Variants in JAZF1 observed in about 807,000 individuals in gnomAD.
JAZF1 encodes JAZF zinc finger 1, also known as juxtaposed with another zinc finger protein 1.
Under a neutral mutation model 26.4 loss-of-function variants are expected in JAZF1, and 8 were observed. That is an observed-to-expected ratio of 0.30 (90% CI 0.18 to 0.55). The LOEUF is 0.55. Ranked by LOEUF, JAZF1 falls within the 20% of genes least tolerant of loss-of-function variation. The probability of loss-of-function intolerance (pLI) is 0.94; values close to 1 mark genes in which losing one functional copy is unlikely to be tolerated. For synonymous variants in JAZF1, 126 were observed against 122.3 expected (o/e 1.03, Z -0.20); for missense variants, 199 against 322.0 (o/e 0.62, Z 2.92).
chr7:28,094,917 A>G (rs1784359572), intron 1 of JAZF1, among the ~76,000 whole-genome samples: 1 of 152,104 alleles, frequency 6.6e-6, no homozygotes. Flanking sequence ...GACAAGGAGG[A>G]AACACACAGA....
At chr7:27,930,581 C>T (rs1784673981) in intron 2 of JAZF1, among the ~76,000 whole-genome samples, 1 of 152,110 alleles carries the variant, frequency 6.6e-6, no homozygotes, top group African/African-American at 2.4e-5. Context: ...CAAGTATGTT[C>T]ACTTTTTGAT....
At chr7:27,889,356 C>A (rs982301348) in intron 3 of JAZF1, among the ~76,000 whole-genome samples, 1 of 152,148 alleles carries the variant, frequency 6.6e-6, no homozygotes, top group Admixed American at 6.5e-5. Context: ...ATAACCAAGA[C>A]AACCTGCTCT....
At chr7:27,918,891 A>C (rs1784484562) in intron 2 of JAZF1, among the ~76,000 whole-genome samples, 1 of 152,220 alleles carries the variant, frequency 6.6e-6, no homozygotes, top group South Asian at 2.1e-4. Context: ...TTGCTGCTTA[A>C]ATATGGGAAA....
At chr7:28,135,993 A>T (rs1782879242) in intron 1 of JAZF1, among the ~76,000 whole-genome samples, 1 of 152,210 alleles carries the variant, frequency 6.6e-6, no homozygotes, top group South Asian at 2.1e-4. Flanking sequence ...TGCCAACTGT[A>T]CAAATACCTT....
intron 3 of JAZF1, among the ~76,000 whole-genome samples, chr7:27,849,756 C>CAGACACACACACACAGACACAG (rs200915594): frequency 1.7e-3 from 255 of 147,534 alleles, no homozygotes; most frequent in African/African-American, 6.2e-3. Flanking sequence ...CACACAGACA[C>CAGACACACACACACAGACACAG]ACACACACAC....
At chr7:28,138,245 A>T (rs1344589290) in intron 1 of JAZF1, among the ~76,000 whole-genome samples, 1 of 152,254 alleles carries the variant, frequency 6.6e-6, no homozygotes, top group African/African-American at 2.4e-5. Flanking sequence ...TCACAGTGGA[A>T]GCAGGAGCCA....
chr7:27,897,861 A>G (rs751707252), intron 2 of JAZF1, among the ~76,000 whole-genome samples: 2 of 152,086 alleles, frequency 1.3e-5, no homozygotes, highest in Non-Finnish European at 2.9e-5. Flanking sequence ...CTCTGAACAG[A>G]CCCAGTGCCC....
chr7:28,041,066 G>A (rs887255598), intron 1 of JAZF1, among the ~76,000 whole-genome samples: 3 of 152,042 alleles, frequency 2.0e-5, no homozygotes, highest in Non-Finnish European at 2.9e-5. Flanking sequence ...CATATAAATG[G>A]GTGCCCTAGA....
intron 1 of JAZF1, among the ~76,000 whole-genome samples, chr7:28,076,423 A>AAG (rs1313968042): frequency 6.6e-6 from 1 of 152,208 alleles, no homozygotes; most frequent in East Asian, 1.9e-4. Flanking sequence ...GGTAAGGCCA[A>AAG]AGGTTCAATG....
At chr7:28,044,280 C>T (rs1316724570) in intron 1 of JAZF1, among the ~76,000 whole-genome samples, 1 of 152,160 alleles carries the variant, frequency 6.6e-6, no homozygotes, top group Non-Finnish European at 1.5e-5. Flanking sequence ...TTCCTCTCTT[C>T]CTCATTCCTT....
Position 27,831,696 on chromosome 7 carries a change from AC to A in JAZF1, c.*1103del. On this transcript the variant is annotated 3_prime_UTR_variant, in exon 5 of 5. Coordinates refer to ENST00000283928, the MANE Select transcript of JAZF1 (RefSeq NM_175061.4). Reference sequence around the variant, plus strand: ...CTCTCTACAATGTGATGAGAAAAGTACCTTTTAAAAAAAGTAAAAAATGAGC... The same window carrying A: ...CTCTCTACAATGTGATGAGAAAAGTACTTTTAAAAAAAGTAAAAAATGAGC... The A allele has an allele frequency of 4.4e-6, 1 of 225,504 alleles. No individual in the cohort carries two copies. Among genetic ancestry groups the A allele is most frequent in the Non-Finnish European group, 8.9e-6 (1 of 112,920 alleles). 14.0% of individuals were successfully genotyped at this position (225,504 alleles called of 1,614,324 possible).
intron 3 of JAZF1, among the ~76,000 whole-genome samples, chr7:27,881,488 T>C (rs1783770796): frequency 6.6e-6 from 1 of 152,218 alleles, no homozygotes; most frequent in Non-Finnish European, 1.5e-5. Flanking sequence ...ATACCATTCA[T>C]AGCATCTAAG....
At position 28,056,435 on chromosome 7, in the gene JAZF1, T is replaced by TACACACAC. The variant is rs3073772; in HGVS notation, c.116-64462_116-64455dup. Among the ~76,000 whole-genome samples, 444 of 98,192 alleles carry TACACACAC rather than the reference T, an allele frequency of 4.5e-3. 1 individual carries two copies. Among genetic ancestry groups the TACACACAC allele is most frequent in the African/African-American group, 0.014 (366 of 27,072 alleles). The allele number at this position is 98,192 out of a possible 152,430, so 64.4% of individuals were successfully genotyped here. A position where few individuals can be genotyped will look rare whatever the true frequency, so the allele number is the denominator to read the frequency against. Reference sequence around the variant, plus strand: ...TCATTCCTTGAACTATTTCAACAACTACACACACACACACACACACACACA... The same window carrying TACACACAC: ...TCATTCCTTGAACTATTTCAACAACTACACACACACACACACACACACACACACACACA... On this transcript the variant is annotated intron_variant, in intron 1 of 4. Coordinates refer to ENST00000283928, the MANE Select transcript of JAZF1 (RefSeq NM_175061.4).
chr7:28,019,467 T>C (rs1344615104), intron 1 of JAZF1, among the ~76,000 whole-genome samples: 2 of 152,140 alleles, frequency 1.3e-5, no homozygotes, highest in South Asian at 2.1e-4. Context: ...GGTAGATTTA[T>C]TGAAGGCAGA....
At chr7:28,068,105 G>T (rs1338456456) in intron 1 of JAZF1, among the ~76,000 whole-genome samples, 2 of 151,956 alleles carry the variant, frequency 1.3e-5, no homozygotes, top group Non-Finnish European at 2.9e-5. Flanking sequence ...AGTAAAAACA[G>T]GGTTTCACCA....
intron 1 of JAZF1, among the ~76,000 whole-genome samples, chr7:28,005,559 G>T (rs981890776): frequency 1.1e-4 from 17 of 152,184 alleles, no homozygotes; most frequent in African/African-American, 4.1e-4. Context: ...GGCTCTGCCA[G>T]GCTGGCTAGA....
intron 2 of JAZF1, among the ~76,000 whole-genome samples, chr7:27,909,707 A>T (rs1784328464): frequency 6.6e-6 from 1 of 152,164 alleles, no homozygotes; most frequent in Admixed American, 6.6e-5. Flanking sequence ...ACTCCATCTC[A>T]AAAACAAAAA....
chr7:27,911,890 A>T (rs76230566), intron 2 of JAZF1, among the ~76,000 whole-genome samples: 1 of 152,244 alleles, frequency 6.6e-6, no homozygotes, highest in East Asian at 1.9e-4. Flanking sequence ...GGTCTCATAT[A>T]TTTTTTTCAG....
intron 3 of JAZF1, among the ~76,000 whole-genome samples, chr7:27,873,774 C>G (rs946810654): frequency 6.6e-6 from 1 of 152,240 alleles, no homozygotes; most frequent in African/African-American, 2.4e-5. Flanking sequence ...TCCCCTCCAG[C>G]ACTCAGTGCT....
Sources: gnomAD v4.1 joint callset for allele counts (sites outside exome capture counted in the v4.1 genomes callset) on GRCh38, gnomAD v4.1.1 for gene constraint, MANE v1.5 for transcripts, NCBI Gene and HGNC (gene_info 2026-07-23, HGNC 2026-07-21) for gene names.